The following MAGI2 variants were observed in gnomAD, a reference collection of about 807,000 sequenced individuals.
MAGI2 encodes membrane-associated guanylate kinase, WW and PDZ domain-containing protein 2.
In MAGI2, 35 loss-of-function variants were observed where a neutral mutation model predicts 133.3. The observed-to-expected ratio is 0.26, with a 90% CI of 0.20 to 0.35. MAGI2 has a LOEUF of 0.35. Ranked by LOEUF, MAGI2 falls within the 10% of genes least tolerant of loss-of-function variation. MAGI2 has a pLI of 1.00. For missense variants in MAGI2, 1,636 were observed against 1,863.4 expected (o/e 0.88, Z 2.25); for synonymous variants, 729 against 710.6 (o/e 1.03, Z -0.41).
At chr7:79,340,288 G>A (rs779915243) in intron 1 of MAGI2, among the ~76,000 whole-genome samples, 144 of 151,828 alleles carry the variant, frequency 9.5e-4, no homozygotes, top group Non-Finnish European at 1.1e-3. Context: ...GTTTTCTTCA[G>A]TGTCTATTCT....
intron 2 of MAGI2, among the ~76,000 whole-genome samples, chr7:78,903,386 G>C (rs1797767449): frequency 2.6e-5 from 4 of 151,302 alleles, no homozygotes; most frequent in Admixed American, 2.0e-4. Context: ...TAGTAGAGAC[G>C]GGGTTTCACC....
intron 6 of MAGI2, among the ~76,000 whole-genome samples, chr7:78,385,993 A>AT (rs5885052): frequency 1.3e-5 from 2 of 151,918 alleles, no homozygotes; most frequent in Non-Finnish European, 1.5e-5. Flanking sequence ...ACAGAGCAAA[A>AT]CTTCCCCCCC....
intron 1 of MAGI2, chr7:79,009,028 T>TC (rs1486395633): frequency 3.3e-5 from 5 of 152,048 alleles, no homozygotes; most frequent in Non-Finnish European, 7.4e-5. Flanking sequence ...TCCTTTTTTT[T>TC]CAATCTAATA....
chr7:78,058,001 A>ATGTGTGTGTGTGTGTGTGTGTGTGTGTG lies in MAGI2; in HGVS notation c.3706+20945_3706+20946insCACACACACACACACACACACACACACA, dbSNP rs1237650726. Among the ~76,000 whole-genome samples the ATGTGTGTGTGTGTGTGTGTGTGTGTGTG allele has an allele frequency of 2.5e-3, 284 of 111,390 alleles. 8 individuals carry two copies. Among genetic ancestry groups the ATGTGTGTGTGTGTGTGTGTGTGTGTGTG allele is most frequent in the East Asian group, 9.5e-3 (41 of 4,326 alleles). 73.1% of individuals were successfully genotyped at this position (111,390 alleles called of 152,430 possible). On this transcript the variant is annotated intron_variant, in intron 21 of 21. Transcript: ENST00000354212. Reference sequence around the variant, plus strand: ...TGTATATATATATATATATATATATATATGTATGAGAAACATCTTGAATAT... The same window carrying ATGTGTGTGTGTGTGTGTGTGTGTGTGTG: ...TGTATATATATATATATATATATATATGTGTGTGTGTGTGTGTGTGTGTGTGTGTATGTATGAGAAACATCTTGAATAT...
intron 1 of MAGI2, chr7:79,414,403 T>A (rs2129173965): frequency 6.6e-6 from 1 of 152,266 alleles, no homozygotes; most frequent in Non-Finnish European, 1.5e-5. Flanking sequence ...AGGTGGGTTA[T>A]AAAGACAGTA....
chr7:78,813,453 A>C (rs921985782), intron 2 of MAGI2, among the ~76,000 whole-genome samples: 1 of 152,226 alleles, frequency 6.6e-6, no homozygotes, highest in Non-Finnish European at 1.5e-5. Context: ...GATGCAGTAG[A>C]AAATATTCAA....
chr7:79,126,765 C>A (rs1820438941), intron 1 of MAGI2, among the ~76,000 whole-genome samples: 1 of 151,244 alleles, frequency 6.6e-6, no homozygotes, highest in African/African-American at 2.4e-5. Flanking sequence ...GTCCCCCAGA[C>A]TTTTTTTTAA....
intron 18 of MAGI2, among the ~76,000 whole-genome samples, chr7:78,131,008 G>A (rs1190550156): frequency 6.6e-6 from 1 of 152,194 alleles, no homozygotes; most frequent in Non-Finnish European, 1.5e-5. Context: ...GGGAGCAAGA[G>A]CCATGTCCAG....
intron 1 of MAGI2, among the ~76,000 whole-genome samples, chr7:79,101,723 CAAA>C (rs376256842): frequency 8.9e-6 from 1 of 112,774 alleles, no homozygotes; most frequent in Admixed American, 9.9e-5. Context: ...GACTCTGTCA[CAAA>C]AAAAAAAAAA....
chr7:78,114,195 A>G (rs984456786), intron 20 of MAGI2, among the ~76,000 whole-genome samples: 3 of 152,208 alleles, frequency 2.0e-5, no homozygotes, highest in African/African-American at 7.2e-5. Flanking sequence ...ACAGGTAAGA[A>G]TTTTCCTCTA....
At chr7:78,868,869 A>T (rs1249314047) in intron 2 of MAGI2, among the ~76,000 whole-genome samples, 3 of 151,948 alleles carry the variant, frequency 2.0e-5, no homozygotes, top group Non-Finnish European at 2.9e-5. Flanking sequence ...TTCTCCTGCC[A>T]CAGCCTCCAG....
At chr7:78,361,912 G>A (rs1792857618) in intron 7 of MAGI2, among the ~76,000 whole-genome samples, 1 of 152,150 alleles carries the variant, frequency 6.6e-6, no homozygotes, top group African/African-American at 2.4e-5. Flanking sequence ...TCAGAAACAG[G>A]GAGATGAAGC....
chr7:79,436,229 A>G (rs1848136864), intron 1 of MAGI2, among the ~76,000 whole-genome samples: 2 of 151,640 alleles, frequency 1.3e-5, no homozygotes, highest in South Asian at 4.2e-4. Context: ...CACCTCAAAA[A>G]AAAAAAAAAA....
intron 2 of MAGI2, among the ~76,000 whole-genome samples, chr7:78,955,641 T>TTC (rs145516739): frequency 6.8e-6 from 1 of 146,708 alleles, no homozygotes; most frequent in Non-Finnish European, 1.5e-5. Flanking sequence ...CTCCCTCCTT[T>TTC]TCTCTCTCTC....
chr7:79,085,101 T>C (rs531493964), intron 1 of MAGI2, among the ~76,000 whole-genome samples: 11 of 151,794 alleles, frequency 7.2e-5, no homozygotes, highest in Non-Finnish European at 1.6e-4. Context: ...TGAATTTTCA[T>C]TGTGAGTACA....
chr7:78,878,777 C>T (rs1795622175), intron 2 of MAGI2, among the ~76,000 whole-genome samples: 2 of 152,180 alleles, frequency 1.3e-5, no homozygotes, highest in African/African-American at 4.8e-5. Context: ...GGGGCCTTCT[C>T]CACTCCATGC....
intron 2 of MAGI2, among the ~76,000 whole-genome samples, chr7:78,932,458 G>C (rs1334207783): frequency 6.6e-6 from 1 of 151,408 alleles, no homozygotes; most frequent in Non-Finnish European, 1.5e-5. Context: ...GAAAGAGAAA[G>C]ATAAATCATT....
chr7:79,327,362 C>T (rs1259434054), intron 1 of MAGI2, among the ~76,000 whole-genome samples: 1 of 152,026 alleles, frequency 6.6e-6, no homozygotes, highest in African/African-American at 2.4e-5. Context: ...GTAAGAAATG[C>T]TTATAGACAG....
At chr7:78,045,830 T>C (rs1811364520) in intron 21 of MAGI2, among the ~76,000 whole-genome samples, 1 of 152,158 alleles carries the variant, frequency 6.6e-6, no homozygotes, top group South Asian at 2.1e-4. Context: ...AGATGTTACA[T>C]TTCATCTCCA....
Sources: allele counts gnomAD v4.1 joint callset (sites outside exome capture counted in the v4.1 genomes callset), GRCh38; gene constraint gnomAD v4.1.1; transcripts MANE v1.5; gene names NCBI Gene and HGNC (gene_info 2026-07-23, HGNC 2026-07-21).